The following BTRC variants were observed in gnomAD, a reference collection of about 807,000 sequenced individuals.
The protein encoded by BTRC is F-box/WD repeat-containing protein 1A.
In BTRC, 42 loss-of-function variants were observed where a neutral mutation model predicts 85.5. The ratio of observed to expected loss-of-function variants is 0.49; its 90% CI spans 0.38 to 0.64. The LOEUF is 0.64. Ranked by LOEUF, BTRC falls within the 30% of genes least tolerant of loss-of-function variation. The pLI is 0.00. For missense variants in BTRC, 594 were observed against 743.5 expected (o/e 0.80, Z 2.34); for synonymous variants, 255 against 263.3 (o/e 0.97, Z 0.30).
At chr10:101,534,574 T>C (rs2062355745) in intron 9 of BTRC, 87 bp from the exon 10 acceptor site, 2 of 1,527,970 alleles carry the variant, frequency 1.3e-6, no homozygotes, top group Non-Finnish European at 1.8e-6. Context: ...TCTCTCTAAA[T>C]ATAAGGGGTG....
At chr10:101,385,712 G>A (rs1165292828) in intron 1 of BTRC, among the ~76,000 whole-genome samples, 4 of 140,758 alleles carry the variant, frequency 2.8e-5, no homozygotes. Context: ...TGGTATCACA[G>A]GATCCTTCCT....
chr10:101,422,882 T>C (rs1027056025), intron 1 of BTRC, among the ~76,000 whole-genome samples: 1 of 152,174 alleles, frequency 6.6e-6, no homozygotes, highest in Non-Finnish European at 1.5e-5. Context: ...CCTTGTAGTA[T>C]AGTTTGAAGT....
chr10:101,410,554 C>T (rs1943747956), intron 1 of BTRC, among the ~76,000 whole-genome samples: 1 of 152,016 alleles, frequency 6.6e-6, no homozygotes, highest in African/African-American at 2.4e-5. Context: ...TCGGAGATTG[C>T]AGTGAGCCGA....
intron 2 of BTRC, among the ~76,000 whole-genome samples, chr10:101,460,513 A>T (rs1296046598): frequency 6.6e-6 from 1 of 152,118 alleles, no homozygotes; most frequent in East Asian, 1.9e-4. Context: ...AGGGACTTTT[A>T]CAAGGGATCA....
chr10:101,475,851 A>G lies in BTRC; in HGVS notation c.235-3517A>G, dbSNP rs531067708. Among the ~76,000 whole-genome samples, 81 of 147,760 alleles carry G rather than the reference A, an allele frequency of 5.5e-4. 1 individual carries two copies. The highest frequency in any genetic ancestry group is 1.7e-3 in the African/African-American group (71 of 40,626). On this transcript the variant is annotated intron_variant, in intron 3 of 14. Transcript: ENST00000370187. ...TTACCATAGGCATGATTAGCACCCA[A>G]TGGATGCTAAAATTAGCAAGCTGAG...
chr10:101,445,245 A>G (rs941311559), intron 2 of BTRC, among the ~76,000 whole-genome samples: 1 of 152,122 alleles, frequency 6.6e-6, no homozygotes, highest in South Asian at 2.1e-4. Flanking sequence ...CTGATTGTAT[A>G]TTTGTAGGAG....
chr10:101,446,731 C>T (rs1944835654), intron 2 of BTRC, among the ~76,000 whole-genome samples: 1 of 152,054 alleles, frequency 6.6e-6, no homozygotes, highest in Non-Finnish European at 1.5e-5. Flanking sequence ...CACAAAATAT[C>T]CCTGACTAGC....
At chr10:101,427,770 C>T (rs961521785) in intron 1 of BTRC, among the ~76,000 whole-genome samples, 2 of 152,152 alleles carry the variant, frequency 1.3e-5, no homozygotes, top group African/African-American at 4.8e-5. Flanking sequence ...TCAAGGGATC[C>T]ACCTGCCTCG....
chr10:101,459,328 G>A (rs1222518292), intron 2 of BTRC, among the ~76,000 whole-genome samples: 1 of 152,080 alleles, frequency 6.6e-6, no homozygotes, highest in African/African-American at 2.4e-5. Flanking sequence ...GGTATACATG[G>A]CTATTTCATC....
chr10:101,522,909 T>G (rs2062138830), intron 5 of BTRC, among the ~76,000 whole-genome samples: 1 of 152,164 alleles, frequency 6.6e-6, no homozygotes, highest in Admixed American at 6.5e-5. Flanking sequence ...ACAGAATATT[T>G]AAATTCTACA....
intron 1 of BTRC, among the ~76,000 whole-genome samples, chr10:101,361,352 C>T (rs1035084644): frequency 2.0e-5 from 3 of 151,430 alleles, no homozygotes; most frequent in Non-Finnish European, 2.9e-5. Flanking sequence ...GTGATCCAAC[C>T]GCCTCAGCCT....
intron 7 of BTRC, among the ~76,000 whole-genome samples, 195 bp from the exon 8 acceptor site, chr10:101,532,100 C>T (rs1406317468): frequency 6.6e-6 from 1 of 152,148 alleles, no homozygotes; most frequent in East Asian, 1.9e-4. Flanking sequence ...TAGGAAACAA[C>T]CTTTAATTAC....
chr10:101,418,747 G>A (rs1944016452), intron 1 of BTRC, among the ~76,000 whole-genome samples: 1 of 151,778 alleles, frequency 6.6e-6, no homozygotes. Context: ...AGGATGTGCA[G>A]GTTTGGTACG....
chr10:101,550,549 TG>T, intron 13 of BTRC, 149 bp from the exon 14 acceptor site: 1 of 691,678 alleles, frequency 1.4e-6, no homozygotes, highest in Non-Finnish European at 2.4e-6. Context: ...CCCAAAGTGC[TG>T]GGATTACAGG....
At position 101,511,457 on chromosome 10, in the gene BTRC, G is replaced by A. The variant is rs578012922; in HGVS notation, c.325-10182G>A. 6.6e-5 allele frequency among the ~76,000 whole-genome samples: 10 copies of A among 152,094 alleles called. No homozygotes were observed. The South Asian group carries it at 8.3e-4, about 13-fold the overall frequency. The stretch of plus-strand genomic sequence containing the variant: ...CATGATCTCACTCTGTTGCCCAGGC[G>A]TTCAAGCAGTTCTCGTGCCTCAGAC... On this transcript the variant is annotated intron_variant, in intron 4 of 14. Coordinates refer to ENST00000370187, the MANE Select transcript of BTRC (RefSeq NM_033637.4).
chr10:101,535,277 T>A, intron 10 of BTRC, 77 bp from the exon 11 acceptor site: 2 of 1,082,850 alleles, frequency 1.8e-6, no homozygotes, highest in South Asian at 2.8e-5. Context: ...GTTTTCTGCT[T>A]CTCTAAGACT....
intron 4 of BTRC, among the ~76,000 whole-genome samples, chr10:101,497,212 T>C (rs1210223411): frequency 6.6e-6 from 1 of 152,186 alleles, no homozygotes; most frequent in Non-Finnish European, 1.5e-5. Context: ...TGCTTATAGG[T>C]CTTTATCAAA....
At chr10:101,535,496 A>AT (rs1564833535) in intron 11 of BTRC, 24 bp downstream of exon 11, 1 of 1,481,456 alleles carries the variant, frequency 6.8e-7, no homozygotes, top group Non-Finnish European at 9.4e-7. Context: ...GCCTTGTATC[A>AT]TAAGGGATCA....
chr10:101,523,561 A>G lies in BTRC; in HGVS notation c.556+1691A>G, dbSNP rs547677676. Among the ~76,000 whole-genome samples the G allele has an allele frequency of 2.0e-5, 3 of 152,340 alleles. No homozygotes were observed. The South Asian group carries it at 6.2e-4, about 32-fold the overall frequency. ...GGGTTTTGGTTGTTGTTTTCCAATT[A>G]TAGAAGTTATAGGAAACTTAGAAAA... On this transcript the variant is annotated intron_variant, in intron 5 of 14. Coordinates refer to ENST00000370187, the MANE Select transcript of BTRC (RefSeq NM_033637.4).
Sources: gnomAD v4.1 joint callset for allele counts (sites outside exome capture counted in the v4.1 genomes callset) on GRCh38, gnomAD v4.1.1 for gene constraint, MANE v1.5 for transcripts, NCBI Gene and HGNC (gene_info 2026-07-23, HGNC 2026-07-21) for gene names.